The following WDR26 variants were observed in gnomAD, a reference collection of about 807,000 sequenced individuals.
WDR26 encodes WD repeat-containing protein 26.
Under a neutral mutation model 84.1 loss-of-function variants are expected in WDR26, and 5 were observed. The ratio of observed to expected loss-of-function variants is 0.06; its 90% CI spans 0.03 to 0.13. The LOEUF (loss-of-function observed/expected upper bound fraction) is 0.13, where lower values mean the gene tolerates loss of function less well. WDR26 is among the 10% of genes least tolerant of loss of function. The pLI is 1.00. For missense variants in WDR26, 642 were observed against 974.9 expected, an observed-to-expected ratio of 0.66 and a Z score of 4.55; for synonymous variants, 415 against 389.6, an observed-to-expected ratio of 1.07 and a Z score of -0.77.
At chr1:224,412,683 A>G (rs1673771620) in intron 6 of WDR26, among the ~76,000 whole-genome samples, 1 of 152,246 alleles carries the variant, frequency 6.6e-6, no homozygotes, top group African/African-American at 2.4e-5. Context: ...ACTTTCTGTG[A>G]CAGTGGAAAT....
chr1:224,419,774 A>G (rs559461918), intron 4 of WDR26, among the ~76,000 whole-genome samples, 159 bp from the exon 5 acceptor site: 1 of 152,340 alleles, frequency 6.6e-6, no homozygotes, highest in East Asian at 1.9e-4. Flanking sequence ...GCACCTGCAT[A>G]TAATTACTAA....
At chr1:224,396,785 C>T (rs532179661) in intron 12 of WDR26, among the ~76,000 whole-genome samples, 1 of 152,178 alleles carries the variant, frequency 6.6e-6, no homozygotes, top group African/African-American at 2.4e-5. Flanking sequence ...GCGGTGAAAC[C>T]CCATCTCTAC....
At chr1:224,410,690 CTTTCTT>C in intron 7 of WDR26, among the ~76,000 whole-genome samples, 1 of 122,924 alleles carries the variant, frequency 8.1e-6, no homozygotes, top group South Asian at 2.4e-4. Context: ...ATTAATCTTT[CTTTCTT>C]TTTTTTTTTT....
chr1:224,423,290 C>T (rs896722991), intron 4 of WDR26, among the ~76,000 whole-genome samples: 6 of 152,188 alleles, frequency 3.9e-5, no homozygotes, highest in African/African-American at 1.2e-4. Flanking sequence ...ACAGACGTAG[C>T]AAGAGTAGAC....
intron 7 of WDR26, among the ~76,000 whole-genome samples, chr1:224,409,310 T>C (rs2102903038): frequency 6.6e-6 from 1 of 152,308 alleles, no homozygotes; most frequent in South Asian, 2.1e-4. Context: ...TAACTACATA[T>C]CAATATAGTT....
At chr1:224,406,191 G>GA (rs528023107) in intron 7 of WDR26, among the ~76,000 whole-genome samples, 10 of 151,826 alleles carry the variant, frequency 6.6e-5, no homozygotes, top group African/African-American at 2.4e-4. Context: ...GTTATAAAAA[G>GA]AAAAAAAGAT....
intron 7 of WDR26, among the ~76,000 whole-genome samples, chr1:224,409,971 T>C (rs1673688523): frequency 6.6e-6 from 1 of 152,044 alleles, no homozygotes; most frequent in South Asian, 2.1e-4. Flanking sequence ...TAGCATATTT[T>C]AATTCTAAAC....
intron 12 of WDR26, among the ~76,000 whole-genome samples, chr1:224,396,898 A>T (rs1673280922): frequency 3.0e-5 from 1 of 33,592 alleles, no homozygotes; most frequent in African/African-American, 4.0e-5. Flanking sequence ...CAAAAAAAGA[A>T]AAGAAAAGAA....
chr1:224,420,325 C>G (rs1306794189), intron 4 of WDR26, among the ~76,000 whole-genome samples: 1 of 152,076 alleles, frequency 6.6e-6, no homozygotes, highest in East Asian at 1.9e-4. Context: ...GTGACCCTGA[C>G]CTGGTTTTGG....
intron 3 of WDR26, among the ~76,000 whole-genome samples, chr1:224,427,650 T>C (rs1460298853): frequency 6.6e-6 from 1 of 152,226 alleles, no homozygotes; most frequent in Non-Finnish European, 1.5e-5. Context: ...GTATTGTGCA[T>C]GGCAACTAAC....
chr1:224,431,413 TAG>T (rs1558447775), intron 3 of WDR26, 62 bp downstream of exon 3: 1 of 1,456,152 alleles, frequency 6.9e-7, no homozygotes, highest in South Asian at 1.2e-5. Context: ...GGCAGAAGCC[TAG>T]AGTTATCAAT....
chr1:224,411,726 G>A (rs565831587), intron 6 of WDR26, among the ~76,000 whole-genome samples, 161 bp from the exon 7 acceptor site: 1 of 150,380 alleles, frequency 6.6e-6, no homozygotes, highest in Non-Finnish European at 1.5e-5. Context: ...TTTGAGACAG[G>A]GTCTCTCTGT....
At chr1:224,413,500 T>C (rs961989347) in intron 6 of WDR26, among the ~76,000 whole-genome samples, 2 of 152,194 alleles carry the variant, frequency 1.3e-5, no homozygotes, top group Non-Finnish European at 2.9e-5. Context: ...GATAAAATAA[T>C]CAATACTAGC....
chr1:224,427,103 C>CTAAAAAAAAAAAAAAAAA (rs769063024), intron 3 of WDR26, among the ~76,000 whole-genome samples: 1 of 91,168 alleles, frequency 1.1e-5, no homozygotes, highest in African/African-American at 4.3e-5. Context: ...AACTCTGTCT[C>CTAAAAAAAAAAAAAAAAA]CAAAAAAAAA....
chr1:224,415,615 C>G (rs1673878861), intron 6 of WDR26, among the ~76,000 whole-genome samples: 1 of 152,194 alleles, frequency 6.6e-6, no homozygotes, highest in East Asian at 1.9e-4. Flanking sequence ...CGTGTGCCGC[C>G]ATGCCCGGCT....
intron 9 of WDR26, 116 bp downstream of exon 9, chr1:224,400,833 AC>A: frequency 7.1e-7 from 1 of 1,407,530 alleles, no homozygotes; most frequent in Non-Finnish European, 9.4e-7. Context: ...GGTGTGAGCC[AC>A]CATGCCTGGC....
At chr1:224,431,651 C>T (rs368913334) in intron 2 of WDR26, 31 bp downstream of exon 2, 9 of 1,609,626 alleles carry the variant, frequency 5.6e-6, no homozygotes, top group Non-Finnish European at 7.7e-6. Context: ...ATTTTAGCAG[C>T]AGTCACACAG....
chr1:224,413,295 CCAAT>C, intron 6 of WDR26: 1 of 1,240,260 alleles, frequency 8.1e-7, no homozygotes, highest in Non-Finnish European at 1.0e-6. Context: ...GCTTCTTTTC[CCAAT>C]CAATAATTTA....
chr1:224,430,234 A>G (rs1674353160), intron 3 of WDR26: 1 of 152,182 alleles, frequency 6.6e-6, no homozygotes, highest in Admixed American at 6.5e-5. Flanking sequence ...TAACTATTTT[A>G]ACTTCTGTTT....
Sources: gnomAD v4.1 joint callset for allele counts (sites outside exome capture counted in the v4.1 genomes callset) on GRCh38, gnomAD v4.1.1 for gene constraint, MANE v1.5 for transcripts, NCBI Gene and HGNC (gene_info 2026-07-23, HGNC 2026-07-21) for gene names.